The following BCAR1 variants were observed in gnomAD, a reference collection of about 807,000 sequenced individuals.
The protein encoded by BCAR1 is breast cancer anti-estrogen resistance protein 1.
Under a neutral mutation model 67.6 loss-of-function variants are expected in BCAR1, and 30 were observed. The observed-to-expected ratio is 0.44, with a 90% confidence interval of 0.33 to 0.60. The LOEUF (loss-of-function observed/expected upper bound fraction) is 0.60. Ranked by LOEUF, BCAR1 falls within the 20% of genes least tolerant of loss-of-function variation. The pLI is 0.02. For synonymous variants in BCAR1, 626 were observed against 556.7 expected (o/e 1.12, Z -1.75); for missense variants, 1,313 against 1,222.3 (o/e 1.07, Z -1.11).
intron 1 of BCAR1, among the ~76,000 whole-genome samples, chr16:75,257,974 T>C (rs746890453): frequency 1.2e-4 from 19 of 152,202 alleles, no homozygotes; most frequent in Non-Finnish European, 2.2e-4. Context: ...AGGTTTCAGT[T>C]TGCCCATCTG....
At chr16:75,257,657 A>T (rs1381549662) in intron 1 of BCAR1, among the ~76,000 whole-genome samples, 1 of 151,902 alleles carries the variant, frequency 6.6e-6, no homozygotes, top group African/African-American at 2.4e-5. Flanking sequence ...GTTTCACTAT[A>T]TTGCCCAGGC....
At chr16:75,252,495 T>A, upstream of BCAR1, 1 of 1,218,280 alleles carries the variant, frequency 8.2e-7, no homozygotes, top group Non-Finnish European at 1.1e-6. Flanking sequence ...CGGTTGCAGG[T>A]CAGTGACTGT....
intron 1 of BCAR1, chr16:75,248,472 ACCTGGAGGGGT>A: frequency 1.7e-6 from 1 of 601,322 alleles, no homozygotes; most frequent in Non-Finnish European, 2.3e-6. Flanking sequence ...CCCGGGACCC[ACCTGGAGGGGT>A]CCTGATCACC....
Position 75,242,555 on chromosome 16 carries a change from G to A in BCAR1, c.548C>T (p.Pro183Leu). 40 of 1,493,030 alleles carry A rather than the reference G, an allele frequency of 2.7e-5. No individual in the cohort carries two copies. Among genetic ancestry groups the A allele is most frequent in the Non-Finnish European group, 3.6e-5 (40 of 1,121,772 alleles). 92.5% of individuals were successfully genotyped at this position (1,493,030 alleles called of 1,614,324 possible). Residue 183 changes from proline (P) to leucine (L), a missense_variant, in exon 2 of 7, where the codon CCT becomes CTT. Around this residue, in one of 2 missense-constraint regions of BCAR1, gnomAD observed 1,272 missense variants for 1,137.5 expected, o/e 1.12. Transcript: ENST00000162330. ...GPAQDIYQVPPSAGMGHDIYQ... is the reference protein window; with the variant it reads ...GPAQDIYQVPLSAGMGHDIYQ... ...GATGTCATGCCCCATCCCGGCAGAA[G>A]GTGGCACCTGGTAAATATCCTGGGC... is the stretch of plus-strand genomic sequence containing the variant.
chr16:75,245,865 G>A (rs1393968925), intron 1 of BCAR1: 1 of 151,590 alleles, frequency 6.6e-6, no homozygotes, highest in Non-Finnish European at 1.5e-5. Flanking sequence ...GGCAGACTCA[G>A]ACCTGGGCCC....
chr16:75,233,134 G>T (rs1198215470), intron 6 of BCAR1, among the ~76,000 whole-genome samples: 1 of 152,206 alleles, frequency 6.6e-6, no homozygotes, highest in African/African-American at 2.4e-5. Context: ...CACTTTGGGA[G>T]GCCAAGGCAG....
chr16:75,235,824 C>A lies in BCAR1; in HGVS notation c.1075G>T (p.Glu359Ter). 1 of 1,579,366 alleles carries A rather than the reference C, an allele frequency of 6.3e-7. No homozygotes were observed. The highest frequency in any genetic ancestry group is 8.6e-7 in the Non-Finnish European group (1 of 1,164,076). The change falls in exon 5 of 7, where the codon GAG becomes TAG. Residue 359 changes from glutamate (E) to a stop codon, truncating the protein, a stop_gained. Coordinates refer to ENST00000162330, the MANE Select transcript of BCAR1 (RefSeq NM_014567.5). LOFTEE classifies it high-confidence loss of function. Reference protein sequence around the residue: ...AAPPPDSPPAEDVYDVPPPAP... With the variant: ...AAPPPDSPPA ...GGGGGCGGCACGTCATACACGTCCT[C>A]GGCCGGCGGGGAGTCTGGAGGGGGC...
At chr16:75,256,346 A>C (rs550897806), upstream of BCAR1, 1 of 110,702 alleles carries the variant, frequency 9.0e-6, no homozygotes, top group South Asian at 3.3e-4. Context: ...TGTCATTACC[A>C]GTAGTGGCTC....
rs78191907 is a variant in BCAR1, at chr16:75,265,068, G to A, written c.66+2847C>T. ...TCAGAGATGCCAGTGCCCAAGTGTGGAAACATGGCCCGGGGGTCTGCCGAA... is the reference window on the plus strand; with the variant it reads ...TCAGAGATGCCAGTGCCCAAGTGTGAAAACATGGCCCGGGGGTCTGCCGAA... On this transcript the variant is annotated intron_variant, in intron 1 of 6. Transcript: ENST00000393422. The A allele has an allele frequency of 7.8e-3, 1,193 of 152,482 alleles. 18 individuals carry two copies. Among genetic ancestry groups the A allele is most frequent in the African/African-American group, 0.028 (1,151 of 41,580 alleles). 9.4% of individuals were successfully genotyped at this position (152,482 alleles called of 1,614,324 possible).
intron 1 of BCAR1, chr16:75,264,733 C>A (rs2077968268): frequency 9.3e-7 from 1 of 1,078,892 alleles, no homozygotes; most frequent in Non-Finnish European, 1.2e-6. Context: ...GAAGAGGCCA[C>A]TTGCCAGAAA....
chr16:75,233,974 T>A, intron 5 of BCAR1, 39 bp from the exon 6 acceptor site: 1 of 1,557,324 alleles, frequency 6.4e-7, no homozygotes, highest in Non-Finnish European at 8.7e-7. Flanking sequence ...AGGCCAGTTT[T>A]CTGAGCCAGA....
rs769688166 is a variant in BCAR1 at position 75,235,213 on chromosome 16, G to A, written c.1686C>T (p.Leu562=). ...CTCCAGAGCCTCCCCGGCCAGCGTC[G>A]AGGGCCTGACCATGTGCCACCAGCG... ...HQTLVAHGQA[L]DAGRGGSGAT... is the part of the protein sequence containing the mutation. The change falls in exon 5 of 7, where the codon CTC becomes CTT. Residue 562 remains leucine (L), a synonymous_variant. Transcript: ENST00000162330. 2.7e-5 allele frequency: 43 copies of A among 1,608,280 alleles called. No individual in the cohort carries two copies. The highest frequency in any genetic ancestry group is 1.0e-4 in the Admixed American group (6 of 59,932).
In BCAR1 at chr16:75,235,606, G is replaced by C; in HGVS notation, c.1293C>G (p.Ser431Arg). The C allele has an allele frequency of 1.3e-6, 2 of 1,595,334 alleles. No homozygotes were observed. The highest frequency in any genetic ancestry group is 1.7e-6 in the Non-Finnish European group (2 of 1,170,202). ...ACTGGCTGCTGCGTGTGCTGCCGGT[G>C]CTGGAGGCCGACAGGCGCTTGCCCT... ...PAEGKRLSAS[S>R]TGSTRSSQSA... is the part of the protein sequence containing the mutation. The change falls in exon 5 of 7, where the codon AGC becomes AGG. Residue 431 changes from serine (S) to arginine (R), a missense_variant. Ser to Arg is a moderately radical substitution (Grantham distance 110). Coordinates refer to ENST00000162330, the MANE Select transcript of BCAR1 (RefSeq NM_014567.5).
chr16:75,250,604 C>A (rs1185014209), intron 1 of BCAR1: 20 of 981,802 alleles, frequency 2.0e-5, no homozygotes, highest in Non-Finnish European at 2.2e-5. Flanking sequence ...ACCCCAACAT[C>A]TTCCAGGCCG....
At chr16:75,254,203 G>A (rs953154932), upstream of BCAR1, among the ~76,000 whole-genome samples, 5 of 152,106 alleles carry the variant, frequency 3.3e-5, no homozygotes, top group African/African-American at 9.7e-5. Flanking sequence ...GGAAGAAATG[G>A]GGCTGCTAGA....
At chr16:75,237,124 C>A (rs1220436706) in intron 3 of BCAR1, 59 bp downstream of exon 3, 3 of 1,500,960 alleles carry the variant, frequency 2.0e-6, no homozygotes, top group Non-Finnish European at 2.7e-6. Flanking sequence ...CGGCCCAGGG[C>A]CAAGCAGAGG....
intron 2 of BCAR1, among the ~76,000 whole-genome samples, chr16:75,239,373 G>C (rs574342750): frequency 2.0e-5 from 3 of 152,122 alleles, no homozygotes; most frequent in Non-Finnish European, 4.4e-5. Context: ...CCACTGCCAG[G>C]TGCACGCACA....
chr16:75,267,393 C>CGGG (rs1491292014), intron 1 of BCAR1, among the ~76,000 whole-genome samples: 1 of 25,760 alleles, frequency 3.9e-5, no homozygotes, highest in African/African-American at 9.2e-5. Context: ...CCACAGCAAG[C>CGGG]CGGGGGGGGG....
intron 1 of BCAR1, chr16:75,264,201 G>T: frequency 7.4e-7 from 1 of 1,343,686 alleles, no homozygotes; most frequent in Non-Finnish European, 9.6e-7. Context: ...TAAGGCAAGG[G>T]GTCAGGGTGC....
Sources: gnomAD v4.1 joint callset for allele counts (sites outside exome capture counted in the v4.1 genomes callset) on GRCh38, gnomAD v4.1.1 for gene constraint, gnomAD v4.1.1 regional missense constraint, MANE v1.5 for transcripts, NCBI Gene and HGNC (gene_info 2026-07-23, HGNC 2026-07-21) for gene names.